Variants in GPHN observed in about 807,000 individuals in gnomAD.
GPHN encodes gephyrin.
GPHN carries 17 observed loss-of-function variants against 95.5 expected under a neutral mutation model. That is an observed-to-expected ratio of 0.18 (90% CI 0.12 to 0.27). The LOEUF is 0.27. Among genes scored for constraint, GPHN ranks in the 10% least tolerant of loss-of-function variants. The pLI is 1.00. For synonymous variants in GPHN, 320 were observed against 322.5 expected (o/e 0.99, Z 0.08); for missense variants, 660 against 978.1 (o/e 0.67, Z 4.34).
intron 4 of GPHN, among the ~76,000 whole-genome samples, chr14:66,878,153 G>T (rs2063755402): frequency 6.6e-6 from 1 of 152,088 alleles, no homozygotes; most frequent in Non-Finnish European, 1.5e-5. Context: ...AAATGGTATT[G>T]GGAAAACTGG....
At chr14:67,093,229 T>C (rs928982909) in intron 12 of GPHN, among the ~76,000 whole-genome samples, 5 of 152,080 alleles carry the variant, frequency 3.3e-5, no homozygotes, top group South Asian at 4.1e-4. Flanking sequence ...AAATTACTTA[T>C]GAAAAATGCA....
chr14:66,694,176 C>A (rs2067973971), intron 2 of GPHN, among the ~76,000 whole-genome samples: 1 of 152,042 alleles, frequency 6.6e-6, no homozygotes, highest in African/African-American at 2.4e-5. Context: ...GCAGAGACCT[C>A]ATGAATTGGA....
chr14:66,999,228 A>C (rs1246930734), intron 9 of GPHN, among the ~76,000 whole-genome samples: 1 of 151,908 alleles, frequency 6.6e-6, no homozygotes, highest in Non-Finnish European at 1.5e-5. Context: ...TTGATTATAT[A>C]GTTTGGGGTA....
chr14:67,674,276 G>C, the GPHN span: 5 of 1,134,916 alleles, frequency 4.4e-6, no homozygotes, highest in African/African-American at 8.1e-5. Flanking sequence ...GACGCGGAGG[G>C]AGGAGACGCG....
At chr14:67,427,119 C>T in the GPHN span, among the ~76,000 whole-genome samples, 1 of 150,346 alleles carries the variant, frequency 6.7e-6, no homozygotes, top group South Asian at 2.1e-4. Flanking sequence ...TTGTGTCACG[C>T]GGGGGAGGGA....
In GPHN at chr14:66,922,929, T is replaced by G; in HGVS notation, c.720T>G (p.Ile240Met). 2 of 1,612,308 alleles carry G rather than the reference T, an allele frequency of 1.2e-6. No homozygotes were observed. The highest frequency in any genetic ancestry group is 8.5e-7 in the Non-Finnish European group (1 of 1,179,756). Residue 240 changes from isoleucine (I) to methionine (M), a missense_variant, in exon 7 of 23, where the codon ATT becomes ATG. Ile to Met is a conservative substitution (Grantham distance 10). Around this residue, in one of 6 missense-constraint regions of GPHN, gnomAD observed 190 missense variants for 224.7 expected, o/e 0.85. Transcript: ENST00000478722. Reference sequence around the variant, plus strand: ...CATCACATATAACTGCAGCAGCCATTGCTGCCAAGGTAAGCCTGATGAGAG... The same window carrying G: ...CATCACATATAACTGCAGCAGCCATGGCTGCCAAGGTAAGCCTGATGAGAG... ...SSSSHITAAA[I>M]AAKKHPFYTS...
At chr14:67,392,894 G>A in the GPHN span, 25 of 1,494,148 alleles carry the variant, frequency 1.7e-5, no homozygotes, top group East Asian at 1.4e-4. Flanking sequence ...ATGGACCAGC[G>A]TCCTTGGGGT....
chr14:67,449,036 G>C, the GPHN span, among the ~76,000 whole-genome samples: 4 of 152,146 alleles, frequency 2.6e-5, no homozygotes, highest in African/African-American at 9.7e-5. Flanking sequence ...TTCAGGAGGA[G>C]CTTCTGTCCA....
At chr14:67,089,133 C>CTTTTTTTATTTTTTTTTTTTTTTTTTT in intron 12 of GPHN, 58 bp downstream of exon 12, 1 of 198,576 alleles carries the variant, frequency 5.0e-6, no homozygotes, top group Non-Finnish European at 7.8e-6. Context: ...TTCTTTTTTT[C>CTTTTTTTATTTTTTTTTTTTTTTTTTT]TTTTTTTTTT....
chr14:67,425,442 C>A, the GPHN span, among the ~76,000 whole-genome samples: 3 of 152,030 alleles, frequency 2.0e-5, no homozygotes, highest in Non-Finnish European at 4.4e-5. Context: ...ACTCCAGAGG[C>A]TGAGGTGTGA....
At chr14:67,061,505 C>T (rs933492319) in intron 11 of GPHN, among the ~76,000 whole-genome samples, 5 of 152,120 alleles carry the variant, frequency 3.3e-5, no homozygotes, top group East Asian at 3.8e-4. Flanking sequence ...TTTTTCATAA[C>T]CTCAAGATAA....
chr14:67,007,667 A>G (rs547422746), intron 9 of GPHN, among the ~76,000 whole-genome samples: 1 of 152,348 alleles, frequency 6.6e-6, no homozygotes, highest in South Asian at 2.1e-4. Context: ...TGTGCATGTA[A>G]GTACCACTCC....
chr14:67,722,562 G>A, the GPHN span: 3 of 1,202,408 alleles, frequency 2.5e-6, no homozygotes, highest in Non-Finnish European at 3.7e-6. Flanking sequence ...AAGAGCTGGA[G>A]CCAGACCAGG....
At chr14:66,558,569 T>C (rs1389444638) in intron 1 of GPHN, among the ~76,000 whole-genome samples, 3 of 152,136 alleles carry the variant, frequency 2.0e-5, no homozygotes, top group African/African-American at 7.2e-5. Flanking sequence ...CTCTTAGTCT[T>C]GATATGTAAT....
the GPHN span, among the ~76,000 whole-genome samples, chr14:67,404,132 GA>G: frequency 6.6e-6 from 1 of 151,998 alleles, no homozygotes; most frequent in Non-Finnish European, 1.5e-5. Flanking sequence ...TTATAATAAT[GA>G]AAAAAATGAA....
the GPHN span, chr14:67,581,122 ATC>A: frequency 2.4e-6 from 2 of 846,644 alleles, no homozygotes; most frequent in Non-Finnish European, 4.1e-6. Context: ...TAGACAGCCT[ATC>A]CAGACGGGGG....
At chr14:67,083,736 A>G (rs1381116281) in intron 11 of GPHN, among the ~76,000 whole-genome samples, 2 of 152,162 alleles carry the variant, frequency 1.3e-5, no homozygotes, top group South Asian at 4.1e-4. Context: ...AAGGAAAATA[A>G]CAGTCTGGGT....
At chr14:67,465,348 AC>A in the GPHN span, among the ~76,000 whole-genome samples, 1 of 128,710 alleles carries the variant, frequency 7.8e-6, no homozygotes, top group Non-Finnish European at 1.9e-5. Context: ...TGCAGGGAGA[AC>A]TACAAGTCAG....
At chr14:67,078,877 T>C (rs946862728) in intron 11 of GPHN, among the ~76,000 whole-genome samples, 1 of 129,778 alleles carries the variant, frequency 7.7e-6, no homozygotes, top group African/African-American at 4.3e-5. Flanking sequence ...TTCCCTTCCC[T>C]TAAGCTCTCA....
Sources: gnomAD v4.1 joint callset for allele counts (sites outside exome capture counted in the v4.1 genomes callset) on GRCh38, gnomAD v4.1.1 for gene constraint, gnomAD v4.1.1 regional missense constraint, MANE v1.5 for transcripts, NCBI Gene and HGNC (gene_info 2026-07-23, HGNC 2026-07-21) for gene names.